The following FRMPD4 variants were observed in gnomAD, a reference collection of about 807,000 sequenced individuals.
FRMPD4 encodes the protein FERM and PDZ domain containing 4.
In FRMPD4, 22 loss-of-function variants were observed where a neutral mutation model predicts 94.1. The observed-to-expected ratio is 0.23, with a 90% CI of 0.17 to 0.33. The LOEUF is 0.33. Among genes scored for constraint, FRMPD4 ranks in the 10% least tolerant of loss-of-function variants. FRMPD4 has a pLI of 1.00. For missense variants in FRMPD4, 1,111 were observed against 1,339.9 expected (o/e 0.83, Z 2.67); for synonymous variants, 631 against 548.6 (o/e 1.15, Z -2.10).
At chrX:12,068,710 A>G (rs2054941831) in intron 3 of FRMPD4, among the ~76,000 whole-genome samples, 1 of 112,274 alleles carries the variant, frequency 8.9e-6, no homozygotes, top group South Asian at 3.7e-4. Context: ...GACTTTTATC[A>G]AAATTCCTAA....
chrX:12,420,078 ATT>A (rs1426040934), intron 1 of FRMPD4, among the ~76,000 whole-genome samples: 2 of 111,538 alleles, frequency 1.8e-5, no homozygotes, highest in Non-Finnish European at 1.9e-5. Context: ...AGCACCTATA[ATT>A]TAACACGCCC....
At chrX:12,634,688 G>C (rs191964567) in intron 4 of FRMPD4, among the ~76,000 whole-genome samples, 1 of 111,173 alleles carries the variant, frequency 9.0e-6, no homozygotes, top group African/African-American at 3.3e-5. Context: ...CTTGCCCCTT[G>C]AACGCTACAT....
chrX:12,681,606 C>G (rs990817062), intron 5 of FRMPD4, among the ~76,000 whole-genome samples: 2 of 110,423 alleles, frequency 1.8e-5, no homozygotes, highest in African/African-American at 6.6e-5. Context: ...TTCTAAGACA[C>G]TACTCACAGC....
intron 3 of FRMPD4, among the ~76,000 whole-genome samples, chrX:12,102,274 T>C (rs2055262094): frequency 8.9e-6 from 1 of 111,955 alleles, no homozygotes; most frequent in African/African-American, 3.2e-5. Flanking sequence ...AAGGGCCCTT[T>C]TGTAAATGCA....
chrX:11,885,359 CAG>C (rs1265630901), intron 3 of FRMPD4, among the ~76,000 whole-genome samples: 3 of 110,270 alleles, frequency 2.7e-5, no homozygotes, highest in Non-Finnish European at 5.7e-5. Flanking sequence ...TGCATAGAGA[CAG>C]AGAGTAGACT....
intron 3 of FRMPD4, among the ~76,000 whole-genome samples, chrX:11,925,155 A>G (rs1438878004): frequency 9.4e-6 from 1 of 106,809 alleles, no homozygotes; most frequent in African/African-American, 3.4e-5. Context: ...AAAAAAAAAC[A>G]TGAAGAAGGG....
At chrX:12,030,260 G>A (rs991000510) in intron 3 of FRMPD4, among the ~76,000 whole-genome samples, 25 of 112,124 alleles carry the variant, frequency 2.2e-4, no homozygotes, top group African/African-American at 6.8e-4. Context: ...AACATCTTTT[G>A]TTGTTCCCTT....
At chrX:12,135,223 C>T (rs1439797049), upstream of FRMPD4, among the ~76,000 whole-genome samples, 6 of 111,268 alleles carry the variant, frequency 5.4e-5, no homozygotes, top group African/African-American at 1.6e-4. Flanking sequence ...CAGAAAACCA[C>T]ATATGTACTC....
intron 3 of FRMPD4, among the ~76,000 whole-genome samples, chrX:12,029,112 T>C (rs1366919728): frequency 1.8e-5 from 2 of 111,988 alleles, no homozygotes; most frequent in African/African-American, 6.5e-5. Context: ...TGAGTAGGAG[T>C]TCTTGTTGCT....
rs750661539 is a variant in FRMPD4 at position 12,338,234 on chromosome X, C to T, written c.42-160446C>T. ...GGAGTTTTGGAGGGACACACTCAGG[C>T]CACAGCAGTGCCCATGTGCAGAAGT... On this transcript the variant is annotated intron_variant, in intron 1 of 16. Transcript: ENST00000675598. Among the ~76,000 whole-genome samples the T allele has an allele frequency of 5.3e-5, 6 of 112,324 alleles. No individual in the cohort carries two copies. The Admixed American group carries it at 5.6e-4, about 11-fold the overall frequency.
chrX:12,609,393 T>G (rs189193521), intron 2 of FRMPD4, among the ~76,000 whole-genome samples: 99 of 111,825 alleles, frequency 8.9e-4, no homozygotes, highest in Non-Finnish European at 1.5e-3. Context: ...GGATCAGGCA[T>G]GTTGGGGAGC....
intron 1 of FRMPD4, among the ~76,000 whole-genome samples, chrX:11,849,141 G>A (rs2053604425): frequency 9.0e-6 from 1 of 111,414 alleles, no homozygotes; most frequent in Non-Finnish European, 1.9e-5. Context: ...GCAAAAATCA[G>A]TTGTATTCCT....
chrX:12,440,629 G>A (rs990965634), intron 1 of FRMPD4, among the ~76,000 whole-genome samples: 4 of 111,164 alleles, frequency 3.6e-5, no homozygotes, highest in African/African-American at 1.3e-4. Context: ...AGGGCCCTAG[G>A]GAAGCCCTGT....
intron 3 of FRMPD4, among the ~76,000 whole-genome samples, chrX:11,984,428 A>G (rs1675633820): frequency 8.9e-6 from 1 of 112,161 alleles, no homozygotes; most frequent in Non-Finnish European, 1.9e-5. Flanking sequence ...TTCTCCTGTT[A>G]TAATTCTTCA....
At chrX:12,479,065 A>G (rs2148189969) in intron 1 of FRMPD4, among the ~76,000 whole-genome samples, 1 of 111,424 alleles carries the variant, frequency 9.0e-6, no homozygotes, top group African/African-American at 3.3e-5. Context: ...AAAAAGGGAA[A>G]CAGTTGCAGA....
chrX:12,165,606 TG>T (rs1388731768), intron 1 of FRMPD4, among the ~76,000 whole-genome samples: 1 of 111,961 alleles, frequency 8.9e-6, no homozygotes, highest in Non-Finnish European at 1.9e-5. Context: ...GGTAGCTTGA[TG>T]GGGATGGCAC....
chrX:12,052,893 C>T (rs1202020395), intron 3 of FRMPD4, among the ~76,000 whole-genome samples: 1 of 111,722 alleles, frequency 9.0e-6, no homozygotes, highest in South Asian at 3.8e-4. Flanking sequence ...AAGAACCAAG[C>T]TATCAAGGAA....
intron 3 of FRMPD4, among the ~76,000 whole-genome samples, chrX:12,112,502 C>T (rs1047576513): frequency 3.6e-5 from 4 of 110,435 alleles, no homozygotes; most frequent in Non-Finnish European, 5.7e-5. Context: ...ACCAACATGG[C>T]GCATGTATAC....
At chrX:12,667,104 T>A (rs1386126836) in intron 4 of FRMPD4, among the ~76,000 whole-genome samples, 1 of 112,276 alleles carries the variant, frequency 8.9e-6, no homozygotes, top group African/African-American at 3.2e-5. Flanking sequence ...CATCCATCTT[T>A]CAAGAAGTTA....
Sources: allele counts gnomAD v4.1 joint callset (sites outside exome capture counted in the v4.1 genomes callset), GRCh38; gene constraint gnomAD v4.1.1; transcripts MANE v1.5; gene names NCBI Gene and HGNC (gene_info 2026-07-23, HGNC 2026-07-21).